The following CTNNA3 variants were observed in gnomAD, a reference collection of about 807,000 sequenced individuals.
CTNNA3 encodes catenin alpha 3.
In CTNNA3, 76 loss-of-function variants were observed where a neutral mutation model predicts 95.7. The observed-to-expected ratio is 0.79, with a 90% CI of 0.66 to 0.96. The LOEUF (loss-of-function observed/expected upper bound fraction) is 0.96. CTNNA3 is among the 40% of genes least tolerant of loss of function. The pLI is 0.00. For synonymous variants in CTNNA3, 431 were observed against 374.4 expected (o/e 1.15, Z -1.74); for missense variants, 1,191 against 1,089.8 (o/e 1.09, Z -1.31).
At chr10:66,905,589 A>G (rs1431045947) in intron 7 of CTNNA3, among the ~76,000 whole-genome samples, 2 of 152,310 alleles carry the variant, frequency 1.3e-5, no homozygotes, top group East Asian at 3.9e-4. Context: ...CAATATTCGT[A>G]ATAGTCAAGA....
At chr10:66,944,930 C>T (rs952453144) in intron 7 of CTNNA3, among the ~76,000 whole-genome samples, 1 of 152,114 alleles carries the variant, frequency 6.6e-6, no homozygotes, top group African/African-American at 2.4e-5. Context: ...CTTAAAATGT[C>T]CAGTAAACCA....
At chr10:67,446,126 T>C (rs1846736856) in intron 5 of CTNNA3, among the ~76,000 whole-genome samples, 1 of 152,116 alleles carries the variant, frequency 6.6e-6, no homozygotes, top group Non-Finnish European at 1.5e-5. Context: ...AAGGCAAACA[T>C]GAAGAAAAAG....
chr10:66,736,110 C>T (rs992656879), intron 9 of CTNNA3, among the ~76,000 whole-genome samples: 1 of 152,158 alleles, frequency 6.6e-6, no homozygotes, highest in Non-Finnish European at 1.5e-5. Context: ...TCTTATTCAA[C>T]GTGCTGGGAA....
intron 11 of CTNNA3, among the ~76,000 whole-genome samples, chr10:66,388,713 A>G (rs765584627): frequency 6.6e-6 from 1 of 152,150 alleles, no homozygotes; most frequent in Non-Finnish European, 1.5e-5. Context: ...ACCAGACTTA[A>G]CCCAAAGCAG....
intron 5 of CTNNA3, among the ~76,000 whole-genome samples, chr10:67,314,946 G>A (rs1278068878): frequency 6.6e-6 from 1 of 152,126 alleles, no homozygotes; most frequent in African/African-American, 2.4e-5. Context: ...CAGTCTTCTT[G>A]GCAGCATTTG....
At chr10:67,675,934 T>G (rs1467745897) in intron 1 of CTNNA3, among the ~76,000 whole-genome samples, 1 of 152,112 alleles carries the variant, frequency 6.6e-6, no homozygotes. Context: ...AGAAATTATG[T>G]CCTATCCTAA....
chr10:67,213,626 G>A (rs1458988426), intron 6 of CTNNA3, among the ~76,000 whole-genome samples: 1 of 151,424 alleles, frequency 6.6e-6, no homozygotes, highest in Admixed American at 6.6e-5. Flanking sequence ...CTCAAGTTTT[G>A]TTGTTATTAT....
chr10:66,160,268 T>C (rs1055353387), intron 13 of CTNNA3, among the ~76,000 whole-genome samples: 5 of 152,074 alleles, frequency 3.3e-5, no homozygotes, highest in African/African-American at 1.2e-4. Context: ...GGTGTGACTT[T>C]AGAATATCAG....
In CTNNA3 at chr10:66,526,352, A is replaced by AT. The variant is rs571870700; in HGVS notation, c.1375-5580dup. On this transcript the variant is annotated intron_variant, in intron 10 of 17. Coordinates refer to ENST00000433211, the MANE Select transcript of CTNNA3 (RefSeq NM_013266.4). ...AAATGCGCACCACCACACCCAGATA[A>AT]TTTTTTGTATTTTTGATAGAGACAA... is the stretch of plus-strand genomic sequence containing the variant. 8.5e-3 allele frequency among the ~76,000 whole-genome samples: 1,294 copies of AT among 151,938 alleles called. 18 individuals carry two copies. The highest frequency in any genetic ancestry group is 0.03 in the African/African-American group (1,229 of 41,440).
intron 5 of CTNNA3, among the ~76,000 whole-genome samples, chr10:67,428,245 C>A (rs1215968833): frequency 6.6e-6 from 1 of 151,928 alleles, no homozygotes; most frequent in African/African-American, 2.4e-5. Context: ...GAATTAAATG[C>A]TCTTATCAAA....
intron 1 of CTNNA3, among the ~76,000 whole-genome samples, chr10:67,722,142 G>A (rs2133620108): frequency 6.6e-6 from 1 of 152,194 alleles, no homozygotes; most frequent in Middle Eastern, 3.4e-3. Flanking sequence ...TACAAAATCA[G>A]TATTTTATCT....
intron 7 of CTNNA3, among the ~76,000 whole-genome samples, chr10:67,166,971 G>C (rs1472523833): frequency 1.3e-5 from 2 of 152,122 alleles, no homozygotes; most frequent in Non-Finnish European, 2.9e-5. Flanking sequence ...GCCGGGTGTG[G>C]TGGCACATGC....
At chr10:67,060,786 T>C (rs1210822012) in intron 7 of CTNNA3, among the ~76,000 whole-genome samples, 1 of 152,196 alleles carries the variant, frequency 6.6e-6, no homozygotes, top group Non-Finnish European at 1.5e-5. Flanking sequence ...ACTATGGTCC[T>C]TAAAACTAGG....
Position 67,606,997 on chromosome 10 carries a change from C to A in CTNNA3, c.152G>T (p.Arg51Leu). The A allele has an allele frequency of 6.2e-7, 1 of 1,614,046 alleles. No individual in the cohort carries two copies. The highest frequency in any genetic ancestry group is 1.3e-5 in the African/African-American group (1 of 75,014). Residue 51 changes from arginine to leucine, a missense_variant, in exon 3 of 18, where the codon CGT becomes CTT. By Grantham distance (102) the Arg-to-Leu change is moderately radical. Transcript: ENST00000433211. ...TAGAAGGACACTGGCTCTTTTCGAA[C>A]GTCCTTTTTTCCTGCTGGAAGGGTT... ...PQNPSSRKKG[R>L]SKRASVLLAS...
intron 5 of CTNNA3, among the ~76,000 whole-genome samples, chr10:67,348,015 T>G (rs16924405): frequency 0.076 from 11,524 of 152,004 alleles, 698 homozygotes; most frequent in East Asian, 0.24. Flanking sequence ...ATGCCAAAGG[T>G]CAACTGATCT....
At chr10:66,616,195 C>T (rs1844505797) in intron 10 of CTNNA3, among the ~76,000 whole-genome samples, 1 of 151,988 alleles carries the variant, frequency 6.6e-6, no homozygotes. Flanking sequence ...CCACTTTTCA[C>T]CCAAGATTTG....
At chr10:67,445,211 CA>C (rs1001216089) in intron 5 of CTNNA3, among the ~76,000 whole-genome samples, 1 of 150,908 alleles carries the variant, frequency 6.6e-6, no homozygotes, top group Non-Finnish European at 1.5e-5. Flanking sequence ...AATACACACA[CA>C]AAAAAAGCAA....
intron 16 of CTNNA3, among the ~76,000 whole-genome samples, chr10:65,967,176 TTGATCTCCTGACCTCA>T (rs1378303037): frequency 2.0e-5 from 3 of 151,932 alleles, no homozygotes; most frequent in African/African-American, 7.3e-5. Context: ...TAGGATGGTC[TTGATCTCCTGACCTCA>T]TGATCTGCCT....
intron 13 of CTNNA3, among the ~76,000 whole-genome samples, chr10:66,146,346 A>T (rs1361922894): frequency 1.3e-5 from 2 of 152,190 alleles, no homozygotes; most frequent in Non-Finnish European, 2.9e-5. Context: ...CTGCCTCAGT[A>T]GAATATGATC....
Sources: allele counts gnomAD v4.1 joint callset (sites outside exome capture counted in the v4.1 genomes callset), GRCh38; gene constraint gnomAD v4.1.1; transcripts MANE v1.5; gene names NCBI Gene and HGNC (gene_info 2026-07-23, HGNC 2026-07-21).